TPO: variants seen among roughly 807,000 people sequenced by gnomAD.
The protein encoded by TPO is thyroid peroxidase.
In TPO, 78 loss-of-function variants were observed where a neutral mutation model predicts 96.9. That is an observed-to-expected ratio of 0.81 (90% CI 0.67 to 0.97). The LOEUF (loss-of-function observed/expected upper bound fraction) is 0.97. TPO is among the 50% of genes least tolerant of loss of function. The pLI is 0.00. For missense variants in TPO, 1,252 were observed against 1,274.8 expected (o/e 0.98, Z 0.27); for synonymous variants, 547 against 538.0 (o/e 1.02, Z -0.23).
chr2:1,472,371 G>A (rs754056517), intron 7 of TPO, among the ~76,000 whole-genome samples: 1 of 152,112 alleles, frequency 6.6e-6, no homozygotes, highest in Non-Finnish European at 1.5e-5. Flanking sequence ...CTCTTCCCAC[G>A]ATATGAGTGG....
chr2:1,496,858 G>A (rs1672407089), intron 13 of TPO, 93 bp downstream of exon 13: 1 of 1,582,346 alleles, frequency 6.3e-7, no homozygotes, highest in South Asian at 1.1e-5. Context: ...TTCGCCAAAA[G>A]GTGCTTCTGA....
intron 14 of TPO, 46 bp from the exon 15 acceptor site, chr2:1,516,837 C>A: frequency 6.3e-7 from 1 of 1,594,528 alleles, no homozygotes; most frequent in Non-Finnish European, 8.6e-7. Flanking sequence ...CTGGCTTGCC[C>A]AGGCCCTGGA....
At chr2:1,493,210 G>GGGGC (rs1671955674) in intron 10 of TPO, among the ~76,000 whole-genome samples, 1 of 65,232 alleles carries the variant, frequency 1.5e-5, no homozygotes, top group Non-Finnish European at 3.1e-5. Context: ...GTGAGTGGGT[G>GGGGC]GGGGGGGGGG....
At chr2:1,464,195 A>G (rs1668693981) in intron 7 of TPO, among the ~76,000 whole-genome samples, 1 of 152,168 alleles carries the variant, frequency 6.6e-6, no homozygotes, top group Non-Finnish European at 1.5e-5. Flanking sequence ...ATAGTCTCCA[A>G]TCTCAACCAG....
At chr2:1,525,084 CCCTACT>C (rs1422914114) in intron 15 of TPO, among the ~76,000 whole-genome samples, 4 of 124,462 alleles carry the variant, frequency 3.2e-5, no homozygotes, top group East Asian at 5.1e-4. Context: ...CCCCAAATCC[CCCTACT>C]GTGTGCAACC....
intron 1 of TPO, among the ~76,000 whole-genome samples, chr2:1,385,304 C>T (rs1054515545): frequency 2.0e-5 from 3 of 152,108 alleles, no homozygotes. Flanking sequence ...CTCCTTGTAC[C>T]TCTGGTAGAA....
chr2:1,478,024 G>A, intron 8 of TPO: 2 of 985,404 alleles, frequency 2.0e-6, no homozygotes, highest in Non-Finnish European at 1.2e-6. Context: ...ATAATTCCCA[G>A]AACAACCCTT....
intron 5 of TPO, among the ~76,000 whole-genome samples, chr2:1,442,083 T>A (rs2148526135): frequency 6.6e-6 from 1 of 152,308 alleles, no homozygotes; most frequent in African/African-American, 2.4e-5. Context: ...CCGCCATCCA[T>A]GTAAGACATG....
intron 6 of TPO, 109 bp downstream of exon 6, chr2:1,453,932 T>A: frequency 6.8e-7 from 1 of 1,475,376 alleles, no homozygotes; most frequent in Non-Finnish European, 9.3e-7. Flanking sequence ...CTGCGTGCAA[T>A]CCCTTCAGAT....
intron 1 of TPO, 29 bp downstream of exon 1, chr2:1,413,574 AT>A: frequency 3.9e-6 from 3 of 778,072 alleles, no homozygotes; most frequent in Non-Finnish European, 4.7e-6. Context: ...TTATTTTTCC[AT>A]TTTCTAAGAG....
intron 7 of TPO, among the ~76,000 whole-genome samples, chr2:1,475,475 G>C (rs1186286199): frequency 6.6e-6 from 1 of 151,698 alleles, no homozygotes; most frequent in African/African-American, 2.4e-5. Context: ...CCAGGCAGGA[G>C]TACAGTGGCC....
chr2:1,454,405 G>C (rs182853865), intron 6 of TPO, among the ~76,000 whole-genome samples: 27 of 152,318 alleles, frequency 1.8e-4, no homozygotes, highest in African/African-American at 6.0e-4. Context: ...GAGCGCAGGT[G>C]GTGGGACTCA....
At chr2:1,506,416 G>T (rs1673468659) in intron 14 of TPO, among the ~76,000 whole-genome samples, 2 of 152,154 alleles carry the variant, frequency 1.3e-5, no homozygotes, top group Admixed American at 1.3e-4. Context: ...GGATTGCTGG[G>T]TCAAATGGTA....
At chr2:1,537,227 AT>A (rs1250703395) in intron 15 of TPO, among the ~76,000 whole-genome samples, 5 of 68,272 alleles carry the variant, frequency 7.3e-5, no homozygotes, top group African/African-American at 2.7e-4. Flanking sequence ...ACCTCCCCAA[AT>A]CCCCCAACTG....
At chr2:1,517,923 C>A (rs1196253958) in intron 15 of TPO, among the ~76,000 whole-genome samples, 1 of 151,250 alleles carries the variant, frequency 6.6e-6, no homozygotes. Flanking sequence ...GGCTTCTGCT[C>A]TCCCTGAGTG....
Position 1,474,446 on chromosome 2 carries a change from T to A in TPO, c.820-2640T>A, listed in dbSNP as rs544839466. ...TTCATCAGAGGCCAATACAAAAGTTTCGCTGACTCTGTAGAGTGCACTGGG... is the reference window on the plus strand; with the variant it reads ...TTCATCAGAGGCCAATACAAAAGTTACGCTGACTCTGTAGAGTGCACTGGG... On this transcript the variant is annotated intron_variant, in intron 7 of 16. Coordinates refer to ENST00000329066, the MANE Select transcript of TPO (RefSeq NM_001206744.2). Among the ~76,000 whole-genome samples, 13 of 152,330 alleles carry A rather than the reference T, an allele frequency of 8.5e-5. No individual in the cohort carries two copies. In the South Asian group the frequency reaches 2.7e-3, roughly 32 times the overall value.
At chr2:1,516,200 C>T (rs576887185) in intron 14 of TPO, among the ~76,000 whole-genome samples, 1 of 152,308 alleles carries the variant, frequency 6.6e-6, no homozygotes, top group Admixed American at 6.5e-5. Flanking sequence ...TGCTCTGGGG[C>T]CGGCTCCTGG....
intron 15 of TPO, 64 bp downstream of exon 15, chr2:1,517,046 C>T (rs1244012500): frequency 1.3e-6 from 2 of 1,538,504 alleles, no homozygotes; most frequent in African/African-American, 1.4e-5. Context: ...CTGGACATGG[C>T]TGCAATGAAG....
At chr2:1,508,344 C>G (rs1257281707) in intron 14 of TPO, among the ~76,000 whole-genome samples, 2 of 152,068 alleles carry the variant, frequency 1.3e-5, no homozygotes, top group Non-Finnish European at 2.9e-5. Context: ...GTCTAAAATT[C>G]TCTTTTTTGG....
Sources: gnomAD v4.1 joint callset for allele counts (sites outside exome capture counted in the v4.1 genomes callset) on GRCh38, gnomAD v4.1.1 for gene constraint, MANE v1.5 for transcripts, NCBI Gene and HGNC (gene_info 2026-07-23, HGNC 2026-07-21) for gene names.